The following SLC15A5 variants were observed in gnomAD, a reference collection of about 807,000 sequenced individuals.
SLC15A5 encodes the protein solute carrier family 15 member 5.
A neutral mutation model predicts 56.1 loss-of-function variants in SLC15A5; 58 were observed. That is an observed-to-expected ratio of 1.03 (90% CI 0.84 to 1.29). SLC15A5 has a LOEUF of 1.29. Among genes scored for constraint, SLC15A5 ranks in the 50% most tolerant of loss-of-function variants. The pLI is 0.00. For missense variants in SLC15A5, 681 were observed against 672.1 expected, an observed-to-expected ratio of 1.01 and a Z score of -0.15; for synonymous variants, 264 against 250.5, an observed-to-expected ratio of 1.05 and a Z score of -0.51.
intron 1 of SLC15A5, among the ~76,000 whole-genome samples, chr12:16,273,060 T>C (rs1864777690): frequency 6.6e-6 from 1 of 152,094 alleles, no homozygotes; most frequent in Non-Finnish European, 1.5e-5. Flanking sequence ...CAAATCATGT[T>C]TATTTTGCCA....
chr12:16,198,831 A>G (rs1483275299), intron 7 of SLC15A5, among the ~76,000 whole-genome samples: 1 of 152,162 alleles, frequency 6.6e-6, no homozygotes, highest in East Asian at 1.9e-4. Context: ...ATTTGCTAAT[A>G]TGAAAGAAAA....
intron 5 of SLC15A5, among the ~76,000 whole-genome samples, chr12:16,225,908 C>T (rs1405519): frequency 0.38 from 58,217 of 152,040 alleles, 11,487 homozygotes; most frequent in Middle Eastern, 0.43. Context: ...TGTGGCCTCA[C>T]AAAGGGCTGA....
intron 6 of SLC15A5, 120 bp from the exon 7 acceptor site, chr12:16,217,144 G>A: frequency 9.6e-7 from 1 of 1,044,550 alleles, no homozygotes; most frequent in Non-Finnish European, 1.3e-6. Flanking sequence ...AAAAATTTGG[G>A]TTGGACTTTG....
intron 7 of SLC15A5, among the ~76,000 whole-genome samples, chr12:16,205,785 T>C (rs1336699251): frequency 6.6e-6 from 1 of 151,972 alleles, no homozygotes; most frequent in East Asian, 1.9e-4. Flanking sequence ...ATTTCTGTTA[T>C]CTCTCTTTGG....
At chr12:16,224,722 A>T (rs544700066) in intron 5 of SLC15A5, 120 bp from the exon 6 acceptor site, 4 of 1,057,702 alleles carry the variant, frequency 3.8e-6, no homozygotes, top group East Asian at 2.6e-5. Flanking sequence ...GTTTGTTTTT[A>T]TTTTTTTTTA....
At chr12:16,202,543 A>G (rs1273306753) in intron 7 of SLC15A5, among the ~76,000 whole-genome samples, 1 of 152,184 alleles carries the variant, frequency 6.6e-6, no homozygotes, top group African/African-American at 2.4e-5. Context: ...GCGGTACCTC[A>G]GTAAACTAAA....
rs1230950809 is a variant in SLC15A5 at position 16,273,866 on chromosome 12, C to G, written c.362-1083G>C. Among the ~76,000 whole-genome samples, 2 of 149,498 alleles carry G rather than the reference C, an allele frequency of 1.3e-5. 1 individual carries two copies. Among genetic ancestry groups the G allele is most frequent in the Middle Eastern group, 6.5e-3 (2 of 306 alleles). ...ACAAAAGGCCCATAATCTCATTACTCAGAGATCATCTTTACATATATAATT... is the reference window on the plus strand; with the variant it reads ...ACAAAAGGCCCATAATCTCATTACTGAGAGATCATCTTTACATATATAATT... On this transcript the variant is annotated intron_variant, in intron 1 of 8. Coordinates refer to ENST00000344941, the MANE Select transcript of SLC15A5 (RefSeq NM_001170798.1).
At chr12:16,223,397 G>A (rs932896009) in intron 6 of SLC15A5, among the ~76,000 whole-genome samples, 2 of 152,142 alleles carry the variant, frequency 1.3e-5, no homozygotes, top group Non-Finnish European at 2.9e-5. Context: ...AAGGAGGATA[G>A]AAACATAAGA....
At chr12:16,252,616 A>G (rs1330142401) in intron 3 of SLC15A5, among the ~76,000 whole-genome samples, 1 of 152,098 alleles carries the variant, frequency 6.6e-6, no homozygotes, top group East Asian at 1.9e-4. Context: ...AGACTTGTAT[A>G]ATGGAAACTA....
chr12:16,215,481 T>C (rs547982892), intron 7 of SLC15A5, among the ~76,000 whole-genome samples: 2 of 152,166 alleles, frequency 1.3e-5, no homozygotes, highest in Non-Finnish European at 2.9e-5. Context: ...TGAAAATGTT[T>C]CAGGTGTGAA....
At chr12:16,219,886 A>T (rs1362922229) in intron 6 of SLC15A5, among the ~76,000 whole-genome samples, 1 of 152,138 alleles carries the variant, frequency 6.6e-6, no homozygotes, top group African/African-American at 2.4e-5. Flanking sequence ...TGTACGTGAA[A>T]GCTGGTCTTC....
chr12:16,259,378 GTTCCTTCCTTCT>G (rs1033257443), intron 2 of SLC15A5, among the ~76,000 whole-genome samples: 3 of 137,870 alleles, frequency 2.2e-5, no homozygotes, highest in East Asian at 2.1e-4. Flanking sequence ...TTCCTTCCTT[GTTCCTTCCTTCT>G]TTCCTTCCTT....
intron 7 of SLC15A5, among the ~76,000 whole-genome samples, chr12:16,205,565 A>ATATATATAT (rs1565657565): frequency 1.5e-4 from 1 of 6,772 alleles, no homozygotes; most frequent in Non-Finnish European, 3.4e-4. Flanking sequence ...TATATTCCAT[A>ATATATATAT]AGAAGGGAAA....
At position 16,199,831 on chromosome 12, in the gene SLC15A5, T is replaced by C. The variant is rs148976223; in HGVS notation, c.1484-5378A>G. Among the ~76,000 whole-genome samples, 305 of 152,196 alleles carry C rather than the reference T, an allele frequency of 2.0e-3. 6 individuals are homozygous for C. The East Asian group carries it at 0.049, about 24-fold the overall frequency. ...GCAGTGCAACCTGCCTGACCAAAAA[T>C]AAAACATTATAGGTGAGTATGAGTT... On this transcript the variant is annotated intron_variant, in intron 7 of 8. Transcript: ENST00000344941.
At chr12:16,222,018 AC>A (rs143378927) in intron 6 of SLC15A5, among the ~76,000 whole-genome samples, 6,541 of 152,234 alleles carry the variant, frequency 0.043, 182 homozygotes, top group African/African-American at 0.068. Flanking sequence ...TGAGTCTGAC[AC>A]TATTAATTCA....
intron 2 of SLC15A5, among the ~76,000 whole-genome samples, chr12:16,268,852 T>G (rs1864720518): frequency 6.6e-6 from 1 of 152,116 alleles, no homozygotes; most frequent in African/African-American, 2.4e-5. Context: ...CCCCTCAAAT[T>G]TCATATGTTG....
At position 16,244,584 on chromosome 12, in the gene SLC15A5, A is replaced by G. The variant is rs745849566; in HGVS notation, c.971T>C (p.Met324Thr). The change falls in exon 4 of 9, where the codon ATG (methionine) becomes ACG (threonine). Residue 324 changes from methionine (M) to threonine (T), a missense_variant. Transcript: ENST00000344941. ...GTACTCATCGCCTGTCCTTACCTGC[A>G]TAATGCACATTCTGTATAGGAGCTG... is the stretch of plus-strand genomic sequence containing the variant. ...IFQLLYRMCI[M>T]QIPSGYYLQT... 4 of 1,537,504 alleles carry G rather than the reference A, an allele frequency of 2.6e-6. No homozygotes were observed. The highest frequency in any genetic ancestry group is 2.0e-5 in the Admixed American group (1 of 50,994).
intron 3 of SLC15A5, among the ~76,000 whole-genome samples, chr12:16,247,863 A>G (rs916098538): frequency 3.3e-5 from 5 of 152,116 alleles, no homozygotes; most frequent in African/African-American, 1.2e-4. Flanking sequence ...AGATCTTATG[A>G]TGTATATTTT....
chr12:16,232,783 G>A (rs1341501077), intron 5 of SLC15A5, among the ~76,000 whole-genome samples: 1 of 152,066 alleles, frequency 6.6e-6, no homozygotes, highest in Non-Finnish European at 1.5e-5. Flanking sequence ...GGGTGTGGTG[G>A]CACATAACTG....
Sources: gnomAD v4.1 joint callset for allele counts (sites outside exome capture counted in the v4.1 genomes callset) on GRCh38, gnomAD v4.1.1 for gene constraint, MANE v1.5 for transcripts, NCBI Gene and HGNC (gene_info 2026-07-23, HGNC 2026-07-21) for gene names.